ONECUT2: variants seen among roughly 807,000 people sequenced by gnomAD.
ONECUT2 encodes the protein one cut domain family member 2.
Under a neutral mutation model 27.9 loss-of-function variants are expected in ONECUT2, and 10 were observed. The ratio of observed to expected loss-of-function variants is 0.36; its 90% CI spans 0.22 to 0.61. The LOEUF (loss-of-function observed/expected upper bound fraction) is 0.61, where lower values mean the gene tolerates loss of function less well. Among genes scored for constraint, ONECUT2 ranks in the 20% least tolerant of loss-of-function variants. The pLI is 0.73. For synonymous variants in ONECUT2, 334 were observed against 315.1 expected, an observed-to-expected ratio of 1.06 and a Z score of -0.64; for missense variants, 686 against 721.0, an observed-to-expected ratio of 0.95 and a Z score of 0.56.
chr18:57,451,328 G>A (rs1325920876), intron 1 of ONECUT2, among the ~76,000 whole-genome samples: 1 of 152,208 alleles, frequency 6.6e-6, no homozygotes, highest in Non-Finnish European at 1.5e-5. Flanking sequence ...TGACCTGTGT[G>A]ACTGTCATTT....
At chr18:57,468,008 T>C (rs903053642) in intron 1 of ONECUT2, among the ~76,000 whole-genome samples, 1 of 152,220 alleles carries the variant, frequency 6.6e-6, no homozygotes, top group Non-Finnish European at 1.5e-5. Context: ...AACTAGCCCA[T>C]AGGTGGTTCA....
intron 1 of ONECUT2, among the ~76,000 whole-genome samples, chr18:57,447,145 G>T (rs1438289582): frequency 6.6e-6 from 1 of 152,254 alleles, no homozygotes. Flanking sequence ...TAGACTTCGA[G>T]CCAGACTGTG....
chr18:57,448,781 T>C (rs1286937683), intron 1 of ONECUT2, among the ~76,000 whole-genome samples: 1 of 152,256 alleles, frequency 6.6e-6, no homozygotes, highest in Non-Finnish European at 1.5e-5. Flanking sequence ...AATATGCTTT[T>C]GAAAAGATAT....
Position 57,436,652 on chromosome 18 carries a change from C to G in ONECUT2, c.936C>G (p.Arg312=), listed in dbSNP as rs1430980520. The G allele has an allele frequency of 6.2e-7, 1 of 1,612,278 alleles. No homozygotes were observed. The highest frequency in any genetic ancestry group is 2.2e-5 in the East Asian group (1 of 44,876). The change falls in exon 1 of 2, where the codon CGC becomes CGG. Residue 312 remains arginine (R), a synonymous_variant. Coordinates refer to ENST00000491143, the MANE Select transcript of ONECUT2 (RefSeq NM_004852.3). This position sits in a 1 kb window ranked among gnomAD's most constrained non-coding sequence, Gnocchi z 5.9. ...QSHGPVLAPS[R]ERPPSSSSGS... is the part of the protein sequence containing the mutation. Reference sequence around the variant, plus strand: ...ACGGGCCGGTGCTGGCACCCAGTCGCGAGCGGCCACCCTCGTCCTCATCGG... The same window carrying G: ...ACGGGCCGGTGCTGGCACCCAGTCGGGAGCGGCCACCCTCGTCCTCATCGG...
chr18:57,438,254 G>A (rs1349212404), intron 1 of ONECUT2, among the ~76,000 whole-genome samples: 1 of 152,254 alleles, frequency 6.6e-6, no homozygotes, highest in Non-Finnish European at 1.5e-5. Flanking sequence ...CCCCCGCTGG[G>A]AAGGACACAC....
chr18:57,475,056 A>ATT (rs33961491), intron 1 of ONECUT2, among the ~76,000 whole-genome samples: 5,629 of 125,474 alleles, frequency 0.045, 516 homozygotes, highest in African/African-American at 0.13. Context: ...ATTTCAAGTG[A>ATT]TTTTTTTTTT....
chr18:57,466,039 C>G (rs1021871318), intron 1 of ONECUT2, among the ~76,000 whole-genome samples: 1 of 152,242 alleles, frequency 6.6e-6, no homozygotes, highest in African/African-American at 2.4e-5. Flanking sequence ...GAAACTACTT[C>G]TCCAAGGGAG....
Position 57,476,648 on chromosome 18 carries a change from C to T in ONECUT2, c.1440C>T (p.Arg480=), listed in dbSNP as rs1333168897. ...ACTTCTTCATGAACGCCCGGCGCCG[C>T]AGCCTGGAGAAGTGGCAAGACGATC... ...VSNFFMNARR[R]SLEKWQDDLS... Residue 480 remains arginine (R), a synonymous_variant, in exon 2 of 2, where the codon CGC becomes CGT. Transcript: ENST00000491143. 3 of 1,614,084 alleles carry T rather than the reference C, an allele frequency of 1.9e-6. No individual in the cohort carries two copies. Among genetic ancestry groups the T allele is most frequent in the African/African-American group, 1.3e-5 (1 of 74,930 alleles).
intron 1 of ONECUT2, chr18:57,444,252 T>C (rs4940406): frequency 0.12 from 49,071 of 420,412 alleles, 3,295 homozygotes; most frequent in Middle Eastern, 0.18. Flanking sequence ...CAATCAGCCT[T>C]GGAGATGGTT....
At chr18:57,463,885 A>G (rs1051680238) in intron 1 of ONECUT2, among the ~76,000 whole-genome samples, 7 of 152,088 alleles carry the variant, frequency 4.6e-5, no homozygotes, top group Non-Finnish European at 8.8e-5. Flanking sequence ...CACACAATCA[A>G]TATTGATTTT....
In ONECUT2 at chr18:57,490,920, G is replaced by A. The variant is rs1257978743; in HGVS notation, c.*14197G>A. The A allele has an allele frequency of 2.0e-5, 3 of 152,528 alleles. No individual in the cohort carries two copies. The highest frequency in any genetic ancestry group is 4.8e-5 in the African/African-American group (2 of 41,400). The allele number at this position is 152,528 out of a possible 1,614,324, so 9.4% of individuals were successfully genotyped here. ...CCACACACAAATGCACACTATTACC[G>A]TCTTTCACCCTGCGCTATATTTCCA... is the stretch of plus-strand genomic sequence containing the variant. On this transcript the variant is annotated 3_prime_UTR_variant, in exon 2 of 2. Coordinates refer to ENST00000491143, the MANE Select transcript of ONECUT2 (RefSeq NM_004852.3).
chr18:57,444,595 G>A (rs1001621504), intron 1 of ONECUT2, among the ~76,000 whole-genome samples: 3 of 152,254 alleles, frequency 2.0e-5, no homozygotes, highest in Non-Finnish European at 2.9e-5. Flanking sequence ...CCCAAGTTGA[G>A]TCTGCTAGGG....
chr18:57,463,363 C>T (rs2050303449), intron 1 of ONECUT2, among the ~76,000 whole-genome samples: 1 of 152,190 alleles, frequency 6.6e-6, no homozygotes, highest in African/African-American at 2.4e-5. Flanking sequence ...GTAGTTGAAA[C>T]AGAAAGTTGT....
intron 1 of ONECUT2, among the ~76,000 whole-genome samples, chr18:57,466,065 G>A (rs896318877): frequency 6.6e-6 from 1 of 152,156 alleles, no homozygotes; most frequent in African/African-American, 2.4e-5. Context: ...TACCAGCCTT[G>A]GTGTCCCTCC....
At chr18:57,466,008 G>A (rs1019722686) in intron 1 of ONECUT2, among the ~76,000 whole-genome samples, 18 of 152,224 alleles carry the variant, frequency 1.2e-4, no homozygotes, top group African/African-American at 4.3e-4. Flanking sequence ...TCTTGTACCT[G>A]TGCTCACCCT....
Position 57,487,325 on chromosome 18 carries a change from T to C in ONECUT2, c.*10602T>C, listed in dbSNP as rs973706149. ...TGTGAGAGGGATTTGAAAGCGAGTA[T>C]TGAAAAACTCACCTTTGCATATTTA... On this transcript the variant is annotated 3_prime_UTR_variant, in exon 2 of 2. Transcript: ENST00000491143. The C allele has an allele frequency of 7.9e-5, 12 of 152,200 alleles. No individual in the cohort carries two copies. The highest frequency in any genetic ancestry group is 1.5e-4 in the Non-Finnish European group (10 of 68,040). The allele number at this position is 152,200 out of a possible 1,614,324, so 9.4% of individuals were successfully genotyped here.
rs1202481101 is a variant in ONECUT2, at chr18:57,490,451, G to C, written c.*13728G>C. ...TGTTGACTGCTTGATGGTATTGAAA[G>C]GTGACTATAATGAGGGAAGAAAGGA... On this transcript the variant is annotated 3_prime_UTR_variant, in exon 2 of 2. Coordinates refer to ENST00000491143, the MANE Select transcript of ONECUT2 (RefSeq NM_004852.3). 6.6e-6 allele frequency: 1 copy of C among 152,178 alleles called. No homozygotes were observed. Among genetic ancestry groups the C allele is most frequent in the Middle Eastern group, 3.2e-3 (1 of 316 alleles). The allele number at this position is 152,178 out of a possible 1,614,324, so 9.4% of individuals were successfully genotyped here. A position where few individuals can be genotyped will look rare whatever the true frequency, so the allele number is the denominator to read the frequency against.
intron 1 of ONECUT2, among the ~76,000 whole-genome samples, chr18:57,468,936 C>A (rs1173945898): frequency 6.6e-6 from 1 of 152,208 alleles, no homozygotes; most frequent in African/African-American, 2.4e-5. Context: ...ACCATCACCT[C>A]TCCCATAGTC....
At position 57,476,708 on chromosome 18, in the gene ONECUT2, G is replaced by A. The variant is rs8099788; in HGVS notation, c.1500G>A (p.Thr500=). Residue 500 remains threonine (T), a synonymous_variant, in exon 2 of 2, where the codon ACG becomes ACA. Transcript: ENST00000491143. ...STGGSSSTSS[T]CTKA ...GGGGCTCCTCGTCCACCTCCAGCAC[G>A]TGTACCAAAGCATGATGGAAGGACT... The A allele has an allele frequency of 2.7e-3, 4,413 of 1,614,016 alleles. 62 individuals are homozygous for A. The African/African-American group carries it at 0.029, about 10-fold the overall frequency.
Sources: allele counts gnomAD v4.1 joint callset (sites outside exome capture counted in the v4.1 genomes callset), GRCh38; gene constraint gnomAD v4.1.1; non-coding constraint Gnocchi (gnomAD v3.1); transcripts MANE v1.5; gene names NCBI Gene and HGNC (gene_info 2026-07-23, HGNC 2026-07-21).